Variants in HIP1 observed in about 807,000 individuals in gnomAD.
HIP1 encodes huntingtin-interacting protein 1.
HIP1 carries 65 observed loss-of-function variants against 147.6 expected under a neutral mutation model. That is an observed-to-expected ratio of 0.44 (90% CI 0.36 to 0.54). HIP1 has a LOEUF of 0.54. HIP1 is among the 20% of genes least tolerant of loss of function. The pLI is 0.00. For missense variants in HIP1, 1,061 were observed against 1,299.6 expected, an observed-to-expected ratio of 0.82 and a Z score of 2.82; for synonymous variants, 479 against 504.0, an observed-to-expected ratio of 0.95 and a Z score of 0.67.
intron 1 of HIP1, among the ~76,000 whole-genome samples, chr7:75,675,308 C>T (rs1799857062): frequency 6.6e-6 from 1 of 152,092 alleles, no homozygotes; most frequent in South Asian, 2.1e-4. Flanking sequence ...TCAAGTGATC[C>T]TCCTGCCTCA....
At chr7:75,636,567 G>A (rs1554509727) in intron 1 of HIP1, among the ~76,000 whole-genome samples, 1 of 152,166 alleles carries the variant, frequency 6.6e-6, no homozygotes, top group East Asian at 1.9e-4. Flanking sequence ...AGTACTTTTG[G>A]CCTCTTGCAG....
At chr7:75,721,049 A>AG (rs1801487759) in intron 1 of HIP1, among the ~76,000 whole-genome samples, 1 of 151,088 alleles carries the variant, frequency 6.6e-6, no homozygotes, top group South Asian at 2.1e-4. Context: ...AAAAAAAAAA[A>AG]AAAAAGACCT....
intron 2 of HIP1, among the ~76,000 whole-genome samples, chr7:75,597,429 C>T (rs1796787488): frequency 6.6e-6 from 1 of 152,128 alleles, no homozygotes; most frequent in Non-Finnish European, 1.5e-5. Flanking sequence ...GACAGAAGTC[C>T]AGCCTCTGAG....
intron 1 of HIP1, among the ~76,000 whole-genome samples, chr7:75,705,596 C>A (rs1554519626): frequency 6.6e-6 from 1 of 152,106 alleles, no homozygotes. Flanking sequence ...CTCAGATGAT[C>A]TGCCCGCCTC....
intron 1 of HIP1, among the ~76,000 whole-genome samples, chr7:75,730,245 G>A (rs1801794148): frequency 6.6e-6 from 1 of 152,032 alleles, no homozygotes; most frequent in Non-Finnish European, 1.5e-5. Context: ...GCATAAGGAG[G>A]AAGAGAGCAG....
rs1554494539 is a variant in HIP1 at position 75,561,416 on chromosome 7, G to T, written c.1119-15C>A. 4 of 1,586,678 alleles carry T rather than the reference G, an allele frequency of 2.5e-6. No individual in the cohort carries two copies. Among genetic ancestry groups the T allele is most frequent in the African/African-American group, 1.3e-5 (1 of 74,286 alleles). On this transcript the variant is annotated splice_polypyrimidine_tract_variant and intron_variant, in intron 12 of 30. Transcript: ENST00000336926. The stretch of plus-strand genomic sequence containing the variant: ...TTAAGTGGTCCCTGGGAAGAGAAGG[G>T]GAATGAGTTTGCTTTCATAGTGCTT...
chr7:75,636,166 ACT>A (rs1311449655), intron 1 of HIP1, among the ~76,000 whole-genome samples: 1 of 151,594 alleles, frequency 6.6e-6, no homozygotes, highest in Non-Finnish European at 1.5e-5. Context: ...ACATGGTGAA[ACT>A]CTGTCTCTAC....
At chr7:75,549,721 G>A (rs1554491764) in intron 22 of HIP1, among the ~76,000 whole-genome samples, 1 of 151,840 alleles carries the variant, frequency 6.6e-6, no homozygotes, top group Admixed American at 6.6e-5. Context: ...CAGAGATGGA[G>A]TGCAGTGGCA....
At chr7:75,702,886 G>A (rs1554519294) in intron 1 of HIP1, among the ~76,000 whole-genome samples, 1 of 152,160 alleles carries the variant, frequency 6.6e-6, no homozygotes, top group Non-Finnish European at 1.5e-5. Context: ...CCGCAGGGAT[G>A]GCATTAACCT....
chr7:75,588,398 C>T (rs1796359674), intron 4 of HIP1, among the ~76,000 whole-genome samples: 1 of 152,072 alleles, frequency 6.6e-6, no homozygotes, highest in Admixed American at 6.6e-5. Context: ...AATAGAATTA[C>T]AAAACATATA....
chr7:75,639,360 C>T (rs1411541781), intron 1 of HIP1: 100 of 226,346 alleles, frequency 4.4e-4, no homozygotes, highest in African/African-American at 2.3e-3. Flanking sequence ...CGCGCCCGAG[C>T]CCCCGGGGAC....
chr7:75,602,158 G>A (rs1797013104), intron 1 of HIP1, among the ~76,000 whole-genome samples: 1 of 151,298 alleles, frequency 6.6e-6, no homozygotes, highest in Non-Finnish European at 1.5e-5. Flanking sequence ...ATGCCACCAT[G>A]CCTGGCTAAT....
intron 15 of HIP1, 69 bp from the exon 16 acceptor site, chr7:75,557,839 A>G (rs113375462): frequency 9.3e-6 from 11 of 1,187,824 alleles, no homozygotes; most frequent in African/African-American, 1.5e-5. Flanking sequence ...TTCTAGGACA[A>G]TCATACTCAG....
intron 1 of HIP1, among the ~76,000 whole-genome samples, chr7:75,713,767 G>C (rs1554520310): frequency 6.6e-6 from 1 of 150,756 alleles, no homozygotes; most frequent in Non-Finnish European, 1.5e-5. Context: ...CATGATCTTG[G>C]CTCACTGCAA....
intron 1 of HIP1, among the ~76,000 whole-genome samples, chr7:75,711,147 T>C (rs1398233057): frequency 6.6e-6 from 1 of 152,336 alleles, no homozygotes; most frequent in Admixed American, 6.5e-5. Flanking sequence ...ACATCCTGTG[T>C]TATCAGGATA....
chr7:75,612,851 C>G (rs1271163586), intron 1 of HIP1, among the ~76,000 whole-genome samples: 2 of 151,992 alleles, frequency 1.3e-5, no homozygotes, highest in African/African-American at 4.8e-5. Flanking sequence ...AGGCTGTAAT[C>G]CCAGTACTTT....
chr7:75,614,581 T>C (rs1797569743), intron 1 of HIP1, among the ~76,000 whole-genome samples: 2 of 152,104 alleles, frequency 1.3e-5, no homozygotes, highest in East Asian at 1.9e-4. Flanking sequence ...TGGGGAGTGA[T>C]TGCTTAATGG....
chr7:75,548,796 G>C, intron 23 of HIP1, 95 bp downstream of exon 23: 1 of 955,816 alleles, frequency 1.0e-6, no homozygotes, highest in Non-Finnish European at 1.7e-6. Context: ...GGTTGCCATG[G>C]CCTTAATGAA....
chr7:75,673,415 G>C (rs1399617810), intron 1 of HIP1, among the ~76,000 whole-genome samples: 1 of 152,044 alleles, frequency 6.6e-6, no homozygotes, highest in Non-Finnish European at 1.5e-5. Flanking sequence ...CTGCAAAAAG[G>C]CATTTGAAAT....
Sources: gnomAD v4.1 joint callset for allele counts (sites outside exome capture counted in the v4.1 genomes callset) on GRCh38, gnomAD v4.1.1 for gene constraint, MANE v1.5 for transcripts, NCBI Gene and HGNC (gene_info 2026-07-23, HGNC 2026-07-21) for gene names.